The following GPC5 variants were observed in gnomAD, a reference collection of about 807,000 sequenced individuals.
GPC5 encodes the protein glypican-5.
In GPC5, 47 loss-of-function variants were observed where a neutral mutation model predicts 53.9. The observed-to-expected ratio is 0.87, with a 90% CI of 0.69 to 1.11. The LOEUF is 1.11. Among genes scored for constraint, GPC5 ranks in the 50% most tolerant of loss-of-function variants. GPC5 has a pLI of 0.00. For synonymous variants in GPC5, 286 were observed against 263.3 expected (o/e 1.09, Z -0.84); for missense variants, 748 against 713.1 (o/e 1.05, Z -0.56).
chr13:92,264,872 CTCTCTCTGTGTG>C (rs2042791193), intron 7 of GPC5, among the ~76,000 whole-genome samples: 1 of 117,436 alleles, frequency 8.5e-6, no homozygotes, highest in Non-Finnish European at 1.7e-5. Flanking sequence ...CTCTCTCTCT[CTCTCTCTGTGTG>C]TGTGTGTGTG....
At chr13:92,500,328 G>A (rs1880135512) in intron 7 of GPC5, among the ~76,000 whole-genome samples, 1 of 152,082 alleles carries the variant, frequency 6.6e-6, no homozygotes, top group African/African-American at 2.4e-5. Flanking sequence ...GCAACTCCCT[G>A]GCCCTCCTGG....
At chr13:92,100,556 A>T (rs2041458053) in intron 6 of GPC5, among the ~76,000 whole-genome samples, 1 of 152,136 alleles carries the variant, frequency 6.6e-6, no homozygotes, top group African/African-American at 2.4e-5. Context: ...AAGTTTCAGG[A>T]TTTTTCATGT....
intron 7 of GPC5, among the ~76,000 whole-genome samples, chr13:92,235,612 G>A (rs2042564058): frequency 6.6e-6 from 1 of 151,928 alleles, no homozygotes; most frequent in Admixed American, 6.6e-5. Context: ...ATATATGATT[G>A]GCTGATTAAC....
At chr13:92,104,758 G>T (rs1272118246) in intron 6 of GPC5, among the ~76,000 whole-genome samples, 1 of 152,040 alleles carries the variant, frequency 6.6e-6, no homozygotes, top group East Asian at 1.9e-4. Context: ...TCCTTACTGA[G>T]AGTTTTAATC....
At position 92,602,220 on chromosome 13, in the gene GPC5, A is replaced by T. The variant is rs9301823; in HGVS notation, c.1562-264062A>T. On this transcript the variant is annotated intron_variant, in intron 7 of 7. Transcript: ENST00000377067. ...TAAATATATATATTACATATATATA[A>T]ATATATATATAACATATATATATAT... 5.0e-4 allele frequency among the ~76,000 whole-genome samples: 55 copies of T among 110,238 alleles called. 1 individual carries two copies. The highest frequency in any genetic ancestry group is 1.2e-3 in the African/African-American group (34 of 29,024). 72.3% of individuals were successfully genotyped at this position (110,238 alleles called of 152,430 possible).
chr13:92,518,879 G>A (rs1210055185), intron 7 of GPC5, among the ~76,000 whole-genome samples: 3 of 152,080 alleles, frequency 2.0e-5, no homozygotes, highest in Non-Finnish European at 4.4e-5. Context: ...GTATTCAGGA[G>A]ACCCATCTCA....
chr13:91,571,881 ATATACGTG>A (rs2031847667), intron 2 of GPC5, among the ~76,000 whole-genome samples: 2 of 103,206 alleles, frequency 1.9e-5, no homozygotes, highest in African/African-American at 9.5e-5. Flanking sequence ...ATATACACAC[ATATACGTG>A]TGTATATACA....
At chr13:91,472,981 A>G (rs758765678) in intron 2 of GPC5, among the ~76,000 whole-genome samples, 2 of 152,178 alleles carry the variant, frequency 1.3e-5, no homozygotes, top group Non-Finnish European at 2.9e-5. Flanking sequence ...TGGGTAATTT[A>G]TAAAGGAAAG....
Position 92,347,846 on chromosome 13 carries a change from G to GTTTT in GPC5, c.1561+202858_1561+202861dup, listed in dbSNP as rs200653051. 3.9e-4 allele frequency among the ~76,000 whole-genome samples: 12 copies of GTTTT among 31,006 alleles called. No homozygotes were observed. In the South Asian group the frequency reaches 0.016, roughly 43 times the overall value. 20.3% of individuals were successfully genotyped at this position (31,006 alleles called of 152,430 possible). ...AAGTTTTATCAGCTTGAAATAGGCT[G>GTTTT]TTTTATACATATATATATTATATAT... On this transcript the variant is annotated intron_variant, in intron 7 of 7. Transcript: ENST00000377067.
In GPC5 at chr13:92,160,415, C is replaced by T. The variant is rs115273703; in HGVS notation, c.1561+15426C>T. Reference sequence around the variant, plus strand: ...TCGGGTGCGGGGAGTAAAACTGTTACAATTTTCTATAGGTTTATATTCTAC... The same window carrying T: ...TCGGGTGCGGGGAGTAAAACTGTTATAATTTTCTATAGGTTTATATTCTAC... On this transcript the variant is annotated intron_variant, in intron 7 of 7. Coordinates refer to ENST00000377067, the MANE Select transcript of GPC5 (RefSeq NM_004466.6). 7.0e-3 allele frequency among the ~76,000 whole-genome samples: 1,060 copies of T among 152,244 alleles called. 10 individuals are homozygous for T. The highest frequency in any genetic ancestry group is 0.024 in the African/African-American group (1,012 of 41,542).
At chr13:92,585,842 G>A (rs1437315630) in intron 7 of GPC5, among the ~76,000 whole-genome samples, 6 of 152,100 alleles carry the variant, frequency 3.9e-5, no homozygotes, top group Admixed American at 3.9e-4. Context: ...TCCTGCACAA[G>A]CTCTCTCTTT....
At chr13:92,632,497 T>C (rs1242927592) in intron 7 of GPC5, among the ~76,000 whole-genome samples, 1 of 139,098 alleles carries the variant, frequency 7.2e-6, no homozygotes, top group Non-Finnish European at 1.6e-5. Context: ...CACATATATA[T>C]ATGCACACAC....
intron 5 of GPC5, among the ~76,000 whole-genome samples, chr13:91,847,857 T>C (rs2038869524): frequency 6.6e-6 from 1 of 152,224 alleles, no homozygotes; most frequent in African/African-American, 2.4e-5. Flanking sequence ...TACCTTTTAG[T>C]GACCATAAAT....
At chr13:92,632,579 T>A (rs1566332088) in intron 7 of GPC5, among the ~76,000 whole-genome samples, 1 of 151,474 alleles carries the variant, frequency 6.6e-6, no homozygotes, top group African/African-American at 2.4e-5. Context: ...AATCTATATA[T>A]GTATGCACTA....
At chr13:92,287,002 A>G (rs1431142515) in intron 7 of GPC5, among the ~76,000 whole-genome samples, 4 of 152,162 alleles carry the variant, frequency 2.6e-5, no homozygotes, top group Admixed American at 2.0e-4. Flanking sequence ...AGAAGAAACC[A>G]ACCATGTTGT....
intron 7 of GPC5, among the ~76,000 whole-genome samples, chr13:92,282,869 C>A (rs1308931149): frequency 6.6e-6 from 1 of 152,174 alleles, no homozygotes; most frequent in Non-Finnish European, 1.5e-5. Context: ...ATCATAATGA[C>A]AGGATCAAAT....
At chr13:92,138,041 C>A (rs1406120671) in intron 6 of GPC5, among the ~76,000 whole-genome samples, 1 of 152,044 alleles carries the variant, frequency 6.6e-6, no homozygotes, top group African/African-American at 2.4e-5. Context: ...GGGAACTCTT[C>A]TACTTTCCAC....
intron 7 of GPC5, among the ~76,000 whole-genome samples, chr13:92,784,767 G>A (rs1876155104): frequency 6.6e-6 from 1 of 152,174 alleles, no homozygotes; most frequent in East Asian, 1.9e-4. Flanking sequence ...ATTACCCAGG[G>A]ATCCTAAGAT....
At position 92,820,325 on chromosome 13, in the gene GPC5, C is replaced by T. The variant is rs548699390; in HGVS notation, c.1562-45957C>T. On this transcript the variant is annotated intron_variant, in intron 7 of 7. Coordinates refer to ENST00000377067, the MANE Select transcript of GPC5 (RefSeq NM_004466.6). ...TTCACATTTAAGCAATGATTACATA[C>T]GATAAAATTTATCTTCAGAAATATG... Among the ~76,000 whole-genome samples, 18 of 152,246 alleles carry T rather than the reference C, an allele frequency of 1.2e-4. No homozygotes were observed. The South Asian group carries it at 1.5e-3, about 12-fold the overall frequency.
Sources: gnomAD v4.1 joint callset for allele counts (sites outside exome capture counted in the v4.1 genomes callset) on GRCh38, gnomAD v4.1.1 for gene constraint, MANE v1.5 for transcripts, NCBI Gene and HGNC (gene_info 2026-07-23, HGNC 2026-07-21) for gene names.